The following APBA2 variants were observed in gnomAD, a reference collection of about 807,000 sequenced individuals.
The protein encoded by APBA2 is amyloid beta precursor protein binding family A member 2.
A neutral mutation model predicts 75.0 loss-of-function variants in APBA2; 30 were observed. The observed-to-expected ratio is 0.40, with a 90% CI of 0.30 to 0.54. The LOEUF (loss-of-function observed/expected upper bound fraction) is 0.54. Ranked by LOEUF, APBA2 falls within the 20% of genes least tolerant of loss-of-function variation. The pLI is 0.49. For synonymous variants in APBA2, 444 were observed against 409.6 expected (o/e 1.08, Z -1.01); for missense variants, 801 against 1,016.1 (o/e 0.79, Z 2.88).
intron 13 of APBA2, chr15:29,108,712 A>C: frequency 2.1e-6 from 1 of 485,488 alleles, no homozygotes. Context: ...GACACAACCA[A>C]TTGTGGCATC....
At chr15:29,037,927 C>G (rs1217909725) in intron 3 of APBA2, among the ~76,000 whole-genome samples, 1 of 152,156 alleles carries the variant, frequency 6.6e-6, no homozygotes, top group Non-Finnish European at 1.5e-5. Context: ...TCCTCATGGC[C>G]TAATCACCTC....
chr15:29,085,617 A>T (rs190438209), intron 6 of APBA2, among the ~76,000 whole-genome samples: 97 of 151,586 alleles, frequency 6.4e-4, no homozygotes, highest in African/African-American at 2.2e-3. Flanking sequence ...AGCACAGTTG[A>T]TGTGTTTTGT....
intron 3 of APBA2, among the ~76,000 whole-genome samples, chr15:29,007,308 C>T (rs1010563444): frequency 1.3e-5 from 2 of 152,210 alleles, no homozygotes; most frequent in Non-Finnish European, 1.5e-5. Flanking sequence ...TGCACAACTT[C>T]ATGACATTGG....
rs1160926002 is a variant in APBA2 at position 29,117,377 on chromosome 15, G to A, written c.*244G>A. 2.4e-5 allele frequency: 14 copies of A among 575,662 alleles called. No homozygotes were observed. The highest frequency in any genetic ancestry group is 1.6e-4 in the South Asian group (8 of 50,106). The allele number at this position is 575,662 out of a possible 1,614,324, so 35.7% of individuals were successfully genotyped here. A position where few individuals can be genotyped will look rare whatever the true frequency, so the allele number is the denominator to read the frequency against. ...TAAAGCGTTCCAAGTATTTTGCCACGTTCTGGACTGTCTTCTCCCTGCACA... is the reference window on the plus strand; with the variant it reads ...TAAAGCGTTCCAAGTATTTTGCCACATTCTGGACTGTCTTCTCCCTGCACA... On this transcript the variant is annotated 3_prime_UTR_variant, in exon 15 of 15. Transcript: ENST00000683413.
chr15:29,116,340 G>T (rs1221762388), intron 14 of APBA2, among the ~76,000 whole-genome samples: 2 of 152,150 alleles, frequency 1.3e-5, no homozygotes, highest in Admixed American at 6.5e-5. Context: ...GTAAGAAGGG[G>T]TGTAGGCCGG....
At chr15:29,078,667 G>A (rs2042958883) in intron 6 of APBA2, among the ~76,000 whole-genome samples, 2 of 151,428 alleles carry the variant, frequency 1.3e-5, no homozygotes, top group Non-Finnish European at 2.9e-5. Context: ...GCAAGAGGCC[G>A]CCGGTTCGAT....
intron 2 of APBA2, among the ~76,000 whole-genome samples, chr15:28,987,096 G>C (rs911347279): frequency 1.6e-5 from 2 of 124,096 alleles, no homozygotes; most frequent in African/African-American, 1.1e-4. Flanking sequence ...TGGGCATTAG[G>C]TTTTAACATG....
intron 3 of APBA2, among the ~76,000 whole-genome samples, chr15:29,034,420 G>C (rs754130238): frequency 6.6e-6 from 1 of 152,130 alleles, no homozygotes; most frequent in Non-Finnish European, 1.5e-5. Flanking sequence ...GGATGTAGAG[G>C]CTCCCTCCAA....
At chr15:28,932,040 TC>T (rs1190780671) in intron 2 of APBA2, among the ~76,000 whole-genome samples, 1 of 152,084 alleles carries the variant, frequency 6.6e-6, no homozygotes, top group African/African-American at 2.4e-5. Flanking sequence ...TGCTGCTGCA[TC>T]CCAGGGGATA....
At chr15:28,893,178 A>C (rs1377874891) in intron 1 of APBA2, among the ~76,000 whole-genome samples, 1 of 151,958 alleles carries the variant, frequency 6.6e-6, no homozygotes, top group Non-Finnish European at 1.5e-5. Flanking sequence ...GTTTGTCTTG[A>C]CTCATCCTGA....
intron 1 of APBA2, among the ~76,000 whole-genome samples, chr15:28,910,125 G>A (rs1236615330): frequency 6.6e-6 from 1 of 152,242 alleles, no homozygotes; most frequent in African/African-American, 2.4e-5. Flanking sequence ...GGCCAGCGGA[G>A]TGGGGAAGTC....
intron 2 of APBA2, among the ~76,000 whole-genome samples, chr15:28,933,842 A>C (rs777979589): frequency 6.6e-6 from 1 of 152,132 alleles, no homozygotes; most frequent in Non-Finnish European, 1.5e-5. Flanking sequence ...AGAGTCCACT[A>C]TCTGGGGTTT....
At chr15:29,004,701 C>T (rs577619226) in intron 3 of APBA2, among the ~76,000 whole-genome samples, 54 of 152,140 alleles carry the variant, frequency 3.5e-4, no homozygotes, top group African/African-American at 1.0e-3. Context: ...TTTTTTGAGA[C>T]GGAGAATCAC....
chr15:28,937,556 C>G (rs137906869), intron 2 of APBA2, among the ~76,000 whole-genome samples: 1 of 152,262 alleles, frequency 6.6e-6, no homozygotes, highest in South Asian at 2.1e-4. Context: ...CTTACTCTGC[C>G]CCACTGTGAA....
At chr15:28,934,953 C>T (rs941236781) in intron 2 of APBA2, among the ~76,000 whole-genome samples, 3 of 152,178 alleles carry the variant, frequency 2.0e-5, no homozygotes, top group African/African-American at 4.8e-5. Flanking sequence ...TGACACGCTG[C>T]GTGCTTATGA....
At chr15:29,076,633 C>T (rs1595902186) in intron 6 of APBA2, among the ~76,000 whole-genome samples, 1 of 151,994 alleles carries the variant, frequency 6.6e-6, no homozygotes, top group East Asian at 1.9e-4. Context: ...CTTGCAGGGC[C>T]CCTGTAGGAG....
At chr15:28,930,312 G>A (rs558496358) in intron 2 of APBA2, among the ~76,000 whole-genome samples, 12 of 152,282 alleles carry the variant, frequency 7.9e-5, no homozygotes, top group Non-Finnish European at 1.6e-4. Context: ...CACGATGGGA[G>A]CAGGATAGAC....
chr15:29,082,651 T>C (rs2043133469), intron 6 of APBA2, among the ~76,000 whole-genome samples: 1 of 152,252 alleles, frequency 6.6e-6, no homozygotes. Context: ...CTTTTTTTGG[T>C]ATGCTTTTTA....
intron 2 of APBA2, among the ~76,000 whole-genome samples, chr15:28,933,987 T>TG (rs2034707246): frequency 6.8e-6 from 1 of 146,490 alleles, no homozygotes; most frequent in Admixed American, 6.8e-5. Context: ...GGGCTGGAGG[T>TG]GGGGGTGGTT....
Sources: allele counts gnomAD v4.1 joint callset (sites outside exome capture counted in the v4.1 genomes callset), GRCh38; gene constraint gnomAD v4.1.1; transcripts MANE v1.5; gene names NCBI Gene and HGNC (gene_info 2026-07-23, HGNC 2026-07-21).